SHISA9: variants seen among roughly 807,000 people sequenced by gnomAD.
The protein encoded by SHISA9 is protein shisa-9.
A neutral mutation model predicts 38.0 loss-of-function variants in SHISA9; 13 were observed. The observed-to-expected ratio is 0.34, with a 90% CI of 0.22 to 0.54. The LOEUF (loss-of-function observed/expected upper bound fraction) is 0.54. Ranked by LOEUF, SHISA9 falls within the 20% of genes least tolerant of loss-of-function variation. SHISA9 has a pLI of 0.91. For synonymous variants in SHISA9, 275 were observed against 242.0 expected, an observed-to-expected ratio of 1.14 and a Z score of -1.27; for missense variants, 538 against 575.8, an observed-to-expected ratio of 0.93 and a Z score of 0.67.
At chr16:13,312,909 G>A in the SHISA9 span, among the ~76,000 whole-genome samples, 1 of 152,134 alleles carries the variant, frequency 6.6e-6, no homozygotes, top group Non-Finnish European at 1.5e-5. Flanking sequence ...GCTAACAGAA[G>A]TTGAGAAGTG....
In SHISA9 at chr16:13,236,932, A is replaced by C. The variant is rs1174421342; in HGVS notation, c.*1523A>C. ...TTTCTGGTTGGTTCTCATAATCCATAGTCCTTGGGGTCCCAGCAAAGTCAG... is the reference window on the plus strand; with the variant it reads ...TTTCTGGTTGGTTCTCATAATCCATCGTCCTTGGGGTCCCAGCAAAGTCAG... On this transcript the variant is annotated 3_prime_UTR_variant, in exon 5 of 5. Transcript: ENST00000558583. The C allele has an allele frequency of 6.6e-6, 1 of 152,202 alleles. No homozygotes were observed. Among genetic ancestry groups the C allele is most frequent in the Non-Finnish European group, 1.5e-5 (1 of 68,038 alleles). The allele number at this position is 152,202 out of a possible 1,614,324, so 9.4% of individuals were successfully genotyped here.
chr16:13,157,780 A>C (rs2050560204), intron 2 of SHISA9, among the ~76,000 whole-genome samples: 1 of 152,084 alleles, frequency 6.6e-6, no homozygotes, highest in African/African-American at 2.4e-5. Context: ...GCCAGCCCCC[A>C]ATCCGGAGGC....
chr16:13,356,437 G>A, the SHISA9 span, among the ~76,000 whole-genome samples: 11,429 of 152,234 alleles, frequency 0.075, 602 homozygotes, highest in East Asian at 0.2. Context: ...CATTAACCTT[G>A]ACTGTGCCTT....
chr16:13,035,755 T>G (rs1204961535), intron 2 of SHISA9, among the ~76,000 whole-genome samples: 1 of 152,150 alleles, frequency 6.6e-6, no homozygotes, highest in East Asian at 1.9e-4. Flanking sequence ...GGCCTCAAAC[T>G]CCTGACCTCA....
At chr16:13,182,982 A>G (rs2050790769) in intron 2 of SHISA9, among the ~76,000 whole-genome samples, 1 of 152,250 alleles carries the variant, frequency 6.6e-6, no homozygotes. Context: ...ACTGGCTGTC[A>G]TCTGGAACTT....
chr16:13,476,738 GTTTTTTTTTTT>G, the SHISA9 span, among the ~76,000 whole-genome samples: 11 of 65,226 alleles, frequency 1.7e-4, no homozygotes, highest in Admixed American at 5.0e-4. Context: ...CCTGTTTTGT[GTTTTTTTTTTT>G]TTTTTTTTTT....
intron 2 of SHISA9, among the ~76,000 whole-genome samples, chr16:13,051,641 A>G (rs1396043432): frequency 6.6e-6 from 1 of 152,200 alleles, no homozygotes. Context: ...TAAACAAACA[A>G]ATGACCAAAA....
chr16:12,908,066 G>T (rs1291921995), intron 1 of SHISA9, among the ~76,000 whole-genome samples: 1 of 152,214 alleles, frequency 6.6e-6, no homozygotes, highest in African/African-American at 2.4e-5. Flanking sequence ...GTCTCAGGCT[G>T]TTGTCTGCAG....
chr16:13,441,498 C>G, the SHISA9 span, among the ~76,000 whole-genome samples: 1 of 152,162 alleles, frequency 6.6e-6, no homozygotes, highest in East Asian at 1.9e-4. Flanking sequence ...ACATCTAAAT[C>G]CCCCAGCCTA....
At chr16:13,397,098 A>C in the SHISA9 span, among the ~76,000 whole-genome samples, 1 of 152,242 alleles carries the variant, frequency 6.6e-6, no homozygotes, top group Non-Finnish European at 1.5e-5. Context: ...TGATTTTCCT[A>C]ATAACATTTT....
At chr16:13,348,502 T>A in the SHISA9 span, among the ~76,000 whole-genome samples, 1 of 151,916 alleles carries the variant, frequency 6.6e-6, no homozygotes. Flanking sequence ...GTACCCTGGT[T>A]GAGTAATTTG....
At chr16:13,076,216 A>C (rs1451885767) in intron 2 of SHISA9, among the ~76,000 whole-genome samples, 1 of 151,994 alleles carries the variant, frequency 6.6e-6, no homozygotes, top group Non-Finnish European at 1.5e-5. Context: ...TTTTTAGTAG[A>C]GACGGGATTT....
At chr16:13,309,139 G>GT in the SHISA9 span, among the ~76,000 whole-genome samples, 1 of 152,068 alleles carries the variant, frequency 6.6e-6, no homozygotes, top group Non-Finnish European at 1.5e-5. Flanking sequence ...TGCACCTGCG[G>GT]TTTTTTCAAG....
chr16:13,097,072 T>C (rs2073835229), intron 2 of SHISA9, among the ~76,000 whole-genome samples: 1 of 152,230 alleles, frequency 6.6e-6, no homozygotes, highest in Admixed American at 6.5e-5. Context: ...TGTGTCTGGC[T>C]TAAGGGCTTA....
chr16:13,279,937 C>A, the SHISA9 span, among the ~76,000 whole-genome samples: 1 of 151,644 alleles, frequency 6.6e-6, no homozygotes, highest in African/African-American at 2.4e-5. Flanking sequence ...TATCTATTGT[C>A]CTTATTTTGG....
chr16:13,111,054 T>TAA (rs2073973265), intron 2 of SHISA9, among the ~76,000 whole-genome samples: 3 of 152,110 alleles, frequency 2.0e-5, no homozygotes, highest in Non-Finnish European at 2.9e-5. Context: ...CAAGATGGAT[T>TAA]AAAGACTTAA....
chr16:13,474,566 G>A, the SHISA9 span, among the ~76,000 whole-genome samples: 1 of 152,102 alleles, frequency 6.6e-6, no homozygotes, highest in Non-Finnish European at 1.5e-5. Context: ...GAATTACAAG[G>A]TACTTTCTAT....
At chr16:12,957,266 T>A (rs983776803) in intron 2 of SHISA9, among the ~76,000 whole-genome samples, 1 of 152,244 alleles carries the variant, frequency 6.6e-6, no homozygotes, top group African/African-American at 2.4e-5. Flanking sequence ...CTTGGAAACA[T>A]AATTTATAAC....
chr16:13,071,654 T>C (rs971727987), intron 2 of SHISA9, among the ~76,000 whole-genome samples: 8 of 146,786 alleles, frequency 5.5e-5, no homozygotes, highest in African/African-American at 2.2e-4. Context: ...TTCCTGTCTT[T>C]CCTTTTTGAC....
Sources: gnomAD v4.1 joint callset for allele counts (sites outside exome capture counted in the v4.1 genomes callset) on GRCh38, gnomAD v4.1.1 for gene constraint, MANE v1.5 for transcripts, NCBI Gene and HGNC (gene_info 2026-07-23, HGNC 2026-07-21) for gene names.